TSPAN9: variants seen among roughly 807,000 people sequenced by gnomAD.
TSPAN9 encodes tetraspanin 9.
TSPAN9 carries 16 observed loss-of-function variants against 31.0 expected under a neutral mutation model. That is an observed-to-expected ratio of 0.52 (90% CI 0.35 to 0.78). TSPAN9 has a LOEUF of 0.78. Ranked by LOEUF, TSPAN9 falls within the 30% of genes least tolerant of loss-of-function variation. TSPAN9 has a pLI of 0.01. For synonymous variants in TSPAN9, 145 were observed against 121.6 expected (o/e 1.19, Z -1.27); for missense variants, 272 against 312.5 (o/e 0.87, Z 0.98).
At chr12:3,258,243 G>A (rs1862384866) in intron 3 of TSPAN9, among the ~76,000 whole-genome samples, 1 of 152,222 alleles carries the variant, frequency 6.6e-6, no homozygotes, top group Non-Finnish European at 1.5e-5. Flanking sequence ...GTCTGCAGGT[G>A]CAGCTTGCTC....
intron 2 of TSPAN9, among the ~76,000 whole-genome samples, chr12:3,138,939 G>A (rs2098333436): frequency 6.6e-6 from 1 of 152,258 alleles, no homozygotes; most frequent in Middle Eastern, 3.4e-3. Context: ...TTCTTCTCCA[G>A]GCAGGCGGAA....
At chr12:3,176,212 G>A (rs2098355493) in intron 2 of TSPAN9, among the ~76,000 whole-genome samples, 1 of 152,228 alleles carries the variant, frequency 6.6e-6, no homozygotes, top group Non-Finnish European at 1.5e-5. Flanking sequence ...TCTTGTCTCA[G>A]CATCGAGCCT....
At chr12:3,278,923 C>G in intron 4 of TSPAN9, 69 bp from the exon 5 acceptor site, 4 of 1,547,362 alleles carry the variant, frequency 2.6e-6, no homozygotes, top group Non-Finnish European at 3.6e-6. Context: ...CTGTCCCTGC[C>G]TTCCACACCC....
intron 3 of TSPAN9, among the ~76,000 whole-genome samples, chr12:3,253,546 C>T (rs764080976): frequency 2.6e-5 from 4 of 152,208 alleles, no homozygotes; most frequent in East Asian, 1.9e-4. Context: ...TCGCTGAGCT[C>T]GGCCAGTGCC....
intron 2 of TSPAN9, among the ~76,000 whole-genome samples, chr12:3,148,196 T>A (rs2098338183): frequency 6.7e-6 from 1 of 149,942 alleles, no homozygotes; most frequent in African/African-American, 2.4e-5. Flanking sequence ...AGCCTGCTCA[T>A]TTTACAGATA....
intron 2 of TSPAN9, among the ~76,000 whole-genome samples, chr12:3,138,872 G>T (rs2098333398): frequency 6.6e-6 from 1 of 152,146 alleles, no homozygotes; most frequent in Admixed American, 6.5e-5. Context: ...AAGGTTCCAA[G>T]CCCTGTGGGC....
chr12:3,218,080 C>T (rs1485341366), intron 3 of TSPAN9, among the ~76,000 whole-genome samples: 2 of 152,006 alleles, frequency 1.3e-5, no homozygotes, highest in Non-Finnish European at 2.9e-5. Flanking sequence ...TAGCCATGCT[C>T]CTTGGCAGGA....
In TSPAN9 at chr12:3,234,454, A is replaced by T. The variant is rs527358329; in HGVS notation, c.63+33198A>T. On this transcript the variant is annotated intron_variant, in intron 3 of 8. Transcript: ENST00000011898. ...GCTCCGGCCACCCTGCAGCACTGAC[A>T]TAGTAGTAGGTACTCATTAAATGCA... Among the ~76,000 whole-genome samples, 9 of 152,306 alleles carry T rather than the reference A, an allele frequency of 5.9e-5. No homozygotes were observed. The East Asian group carries it at 1.5e-3, about 26-fold the overall frequency.
chr12:3,103,438 G>T lies in TSPAN9; in HGVS notation c.-18+19719G>T, dbSNP rs139204192. 7.9e-5 allele frequency among the ~76,000 whole-genome samples: 12 copies of T among 152,288 alleles called. No homozygotes were observed. The East Asian group carries it at 2.1e-3, about 27-fold the overall frequency. ...GCTGAACACTCATTGAACACTTCTGGTGTGCAGGCAGGCTCTAGGAACCAG... is the reference window on the plus strand; with the variant it reads ...GCTGAACACTCATTGAACACTTCTGTTGTGCAGGCAGGCTCTAGGAACCAG... On this transcript the variant is annotated intron_variant, in intron 2 of 8. Coordinates refer to ENST00000011898, the MANE Select transcript of TSPAN9 (RefSeq NM_006675.5).
At chr12:3,176,045 C>A (rs561430813) in intron 2 of TSPAN9, among the ~76,000 whole-genome samples, 2 of 152,350 alleles carry the variant, frequency 1.3e-5, no homozygotes, top group East Asian at 3.9e-4. Context: ...GAGATTCGTC[C>A]CAGCCCTCAC....
At chr12:3,243,260 A>G (rs532815977) in intron 3 of TSPAN9, among the ~76,000 whole-genome samples, 6 of 151,886 alleles carry the variant, frequency 4.0e-5, no homozygotes, top group Non-Finnish European at 7.4e-5. Flanking sequence ...TCATCTTTCC[A>G]CCATCACCAT....
chr12:3,254,388 G>C (rs1862307757), intron 3 of TSPAN9, among the ~76,000 whole-genome samples: 1 of 152,190 alleles, frequency 6.6e-6, no homozygotes, highest in Admixed American at 6.5e-5. Context: ...AGGGAGAACT[G>C]CCCACAAGTC....
At chr12:3,138,709 GTCCCA>G (rs1441998806) in intron 2 of TSPAN9, among the ~76,000 whole-genome samples, 1 of 151,820 alleles carries the variant, frequency 6.6e-6, no homozygotes, top group Non-Finnish European at 1.5e-5. Context: ...GGCCAGGCTT[GTCCCA>G]AAGTCGTGGG....
rs1425553259 is a variant in TSPAN9 at position 3,285,355 on chromosome 12, T to C, written c.*2239T>C. On this transcript the variant is annotated 3_prime_UTR_variant, in exon 9 of 9. Coordinates refer to ENST00000011898, the MANE Select transcript of TSPAN9 (RefSeq NM_006675.5). Reference sequence around the variant, plus strand: ...AGCAAAAGCCTAGTGCATTGGGAGATGTGCAACCTCCCTGAAAATCTTTTC... The same window carrying C: ...AGCAAAAGCCTAGTGCATTGGGAGACGTGCAACCTCCCTGAAAATCTTTTC... The C allele has an allele frequency of 6.6e-6, 1 of 152,208 alleles. No homozygotes were observed. Among genetic ancestry groups the C allele is most frequent in the East Asian group, 1.9e-4 (1 of 5,194 alleles). 9.4% of individuals were successfully genotyped at this position (152,208 alleles called of 1,614,324 possible).
At chr12:3,253,869 A>G (rs1422172582) in intron 3 of TSPAN9, among the ~76,000 whole-genome samples, 1 of 152,064 alleles carries the variant, frequency 6.6e-6, no homozygotes, top group Admixed American at 6.5e-5. Context: ...GCACCTGTGG[A>G]TGTTTGGAAG....
At chr12:3,141,430 T>C (rs1034822367) in intron 2 of TSPAN9, among the ~76,000 whole-genome samples, 6 of 152,130 alleles carry the variant, frequency 3.9e-5, no homozygotes, top group Non-Finnish European at 7.4e-5. Flanking sequence ...GGTGATGCCC[T>C]GGTCTCTGCC....
intron 3 of TSPAN9, among the ~76,000 whole-genome samples, chr12:3,223,324 T>G (rs1048472879): frequency 9.2e-5 from 14 of 152,148 alleles, no homozygotes; most frequent in African/African-American, 3.4e-4. Flanking sequence ...CGCCAAGGCC[T>G]CCTCCAGCAT....
chr12:3,108,164 G>A (rs1487674529), intron 2 of TSPAN9, among the ~76,000 whole-genome samples: 2 of 152,160 alleles, frequency 1.3e-5, no homozygotes, highest in African/African-American at 2.4e-5. Flanking sequence ...CAGAGTCTGT[G>A]GCGTAGACAG....
At chr12:3,248,430 C>T (rs35301756) in intron 3 of TSPAN9, among the ~76,000 whole-genome samples, 56,145 of 151,992 alleles carry the variant, frequency 0.37, 12,634 homozygotes, top group South Asian at 0.54. Context: ...CCTTCTTGCC[C>T]TGGACTTAAT....
Sources: allele counts gnomAD v4.1 joint callset (sites outside exome capture counted in the v4.1 genomes callset), GRCh38; gene constraint gnomAD v4.1.1; transcripts MANE v1.5; gene names NCBI Gene and HGNC (gene_info 2026-07-23, HGNC 2026-07-21).